CALN1: variants seen among roughly 807,000 people sequenced by gnomAD.
CALN1 encodes calneuron 1.
Under a neutral mutation model 30.6 loss-of-function variants are expected in CALN1, and 17 were observed. The ratio of observed to expected loss-of-function variants is 0.56; its 90% confidence interval spans 0.38 to 0.83. The LOEUF (loss-of-function observed/expected upper bound fraction) is 0.83, where lower values mean the gene tolerates loss of function less well. Among genes scored for constraint, CALN1 ranks in the 40% least tolerant of loss-of-function variants. The pLI, the probability that CALN1 is intolerant of heterozygous loss-of-function variation, is 0.00. For synonymous variants in CALN1, 156 were observed against 131.4 expected (o/e 1.19, Z -1.28); for missense variants, 291 against 354.9 (o/e 0.82, Z 1.45).
At chr7:72,305,393 C>A (rs1355280337) in intron 2 of CALN1, among the ~76,000 whole-genome samples, 1 of 152,160 alleles carries the variant, frequency 6.6e-6, no homozygotes, top group African/African-American at 2.4e-5. Flanking sequence ...CTGTTTTGAT[C>A]TCTTTTAATT....
At chr7:72,121,171 T>C (rs1563076003) in intron 3 of CALN1, among the ~76,000 whole-genome samples, 1 of 144,956 alleles carries the variant, frequency 6.9e-6, no homozygotes, top group East Asian at 2.0e-4. Context: ...CTATATTATA[T>C]ATAATTATAT....
At chr7:72,416,463 G>T (rs559308453), upstream of CALN1, among the ~76,000 whole-genome samples, 1 of 152,120 alleles carries the variant, frequency 6.6e-6, no homozygotes, top group African/African-American at 2.4e-5. Flanking sequence ...GGCTGGGCAC[G>T]GTGGCTCACG....
intron 3 of CALN1, among the ~76,000 whole-genome samples, chr7:72,124,635 G>C (rs1235299889): frequency 6.6e-6 from 1 of 151,684 alleles, no homozygotes; most frequent in African/African-American, 2.4e-5. Flanking sequence ...CTGGGAGACA[G>C]AGCAAGAACC....
intron 2 of CALN1, among the ~76,000 whole-genome samples, chr7:72,315,143 C>G (rs1027796110): frequency 2.6e-5 from 4 of 151,822 alleles, no homozygotes; most frequent in African/African-American, 9.7e-5. Flanking sequence ...GAGTGAGACC[C>G]TGTAACTATA....
At chr7:72,477,267 G>C in the CALN1 span, among the ~76,000 whole-genome samples, 1 of 152,064 alleles carries the variant, frequency 6.6e-6, no homozygotes, top group Non-Finnish European at 1.5e-5. Context: ...AGGAGCTATT[G>C]AGCTGAGATC....
chr7:71,974,238 C>G (rs752238912), intron 5 of CALN1, among the ~76,000 whole-genome samples: 1 of 151,766 alleles, frequency 6.6e-6, no homozygotes, highest in Non-Finnish European at 1.5e-5. Flanking sequence ...GCCAACATGG[C>G]AAAACCCTGT....
intron 4 of CALN1, among the ~76,000 whole-genome samples, chr7:72,105,446 G>A (rs1333392385): frequency 6.6e-6 from 1 of 151,870 alleles, no homozygotes; most frequent in African/African-American, 2.4e-5. Flanking sequence ...TTGTTTGAGG[G>A]GTTTTGGTGA....
At chr7:72,349,850 G>A (rs923639756) in intron 2 of CALN1, among the ~76,000 whole-genome samples, 5 of 152,144 alleles carry the variant, frequency 3.3e-5, no homozygotes, top group Admixed American at 6.5e-5. Flanking sequence ...TTTGATAGAT[G>A]CGTATTTTAC....
At chr7:72,350,470 G>C (rs1400079351) in intron 2 of CALN1, among the ~76,000 whole-genome samples, 1 of 152,198 alleles carries the variant, frequency 6.6e-6, no homozygotes, top group Non-Finnish European at 1.5e-5. Flanking sequence ...ATGAGATCAT[G>C]TCTTTTGCAC....
At chr7:72,352,192 C>A (rs1051346138) in intron 2 of CALN1, among the ~76,000 whole-genome samples, 10 of 149,280 alleles carry the variant, frequency 6.7e-5, no homozygotes, top group Admixed American at 2.7e-4. Context: ...ACAAAAAAAA[C>A]CACTTTGAGA....
intron 3 of CALN1, among the ~76,000 whole-genome samples, chr7:72,205,399 A>G (rs13225461): frequency 1.3e-5 from 2 of 150,232 alleles, no homozygotes; most frequent in Non-Finnish European, 3.0e-5. Context: ...ACAGGGTTTC[A>G]CCATGTTAAC....
chr7:72,002,226 T>C (rs1408703960), intron 5 of CALN1, among the ~76,000 whole-genome samples: 2 of 152,328 alleles, frequency 1.3e-5, no homozygotes, highest in Middle Eastern at 3.4e-3. Flanking sequence ...ATTGCAAATA[T>C]GGTTAAGTGG....
intron 3 of CALN1, among the ~76,000 whole-genome samples, chr7:72,159,132 A>T (rs1787924697): frequency 6.6e-6 from 1 of 152,114 alleles, no homozygotes; most frequent in Non-Finnish European, 1.5e-5. Context: ...GATTACAGGC[A>T]TGAGCCACTG....
At chr7:72,439,099 C>T (rs931874143) in intron 1 of CALN1, among the ~76,000 whole-genome samples, 3 of 152,138 alleles carry the variant, frequency 2.0e-5, no homozygotes, top group Non-Finnish European at 2.9e-5. Flanking sequence ...TGCAGTGACG[C>T]CATTATAGCT....
rs1807801886 is a variant in CALN1, at chr7:72,426,475, A to G, written c.-225-14200T>C. On this transcript the variant is annotated intron_variant, in intron 1 of 6. Transcript: ENST00000395276. ...TTCTTCCTGCTGCCATGTGAAGGACACGTTTGCTTCCCCTTCCGCCATGAG... is the reference window on the plus strand; with the variant it reads ...TTCTTCCTGCTGCCATGTGAAGGACGCGTTTGCTTCCCCTTCCGCCATGAG... Among the ~76,000 whole-genome samples, 6 of 152,292 alleles carry G rather than the reference A, an allele frequency of 3.9e-5. 1 individual carries two copies. In the Middle Eastern group the frequency reaches 0.02, roughly 518 times the overall value.
chr7:72,197,668 A>G (rs1255748477), intron 3 of CALN1, among the ~76,000 whole-genome samples: 2 of 152,098 alleles, frequency 1.3e-5, no homozygotes, highest in Non-Finnish European at 2.9e-5. Context: ...TGTCCCTACA[A>G]AAAAATAAAT....
chr7:72,184,066 C>G (rs887463275), intron 3 of CALN1, among the ~76,000 whole-genome samples: 1 of 152,200 alleles, frequency 6.6e-6, no homozygotes, highest in Non-Finnish European at 1.5e-5. Flanking sequence ...TGCTAAAGTT[C>G]TCCGTACAGG....
At position 71,996,762 on chromosome 7, in the gene CALN1, T is replaced by A. The variant is rs180843446; in HGVS notation, c.501+26895A>T. On this transcript the variant is annotated intron_variant, in intron 5 of 6. Transcript: ENST00000395275. ...TAACAAACCTGCACTGTCCTGCACA[T>A]GTATCCTTAAAATAAAATAAAATTA... Among the ~76,000 whole-genome samples the A allele has an allele frequency of 7.9e-5, 12 of 152,230 alleles. No individual in the cohort carries two copies. In the East Asian group the frequency reaches 1.7e-3, roughly 22 times the overall value.
At chr7:72,432,000 A>T (rs1004616793) in intron 1 of CALN1, among the ~76,000 whole-genome samples, 6 of 152,182 alleles carry the variant, frequency 3.9e-5, no homozygotes, top group Non-Finnish European at 5.9e-5. Context: ...TGTTCGGGAC[A>T]CTATTATTGC....
Sources: allele counts gnomAD v4.1 joint callset (sites outside exome capture counted in the v4.1 genomes callset), GRCh38; gene constraint gnomAD v4.1.1; transcripts MANE v1.5; gene names NCBI Gene and HGNC (gene_info 2026-07-23, HGNC 2026-07-21).